SCPEP1: variants seen among roughly 807,000 people sequenced by gnomAD.
SCPEP1 encodes the protein retinoid-inducible serine carboxypeptidase.
In SCPEP1, 51 loss-of-function variants were observed where a neutral mutation model predicts 63.8. The observed-to-expected ratio is 0.80, with a 90% CI of 0.64 to 1.01. SCPEP1 has a LOEUF of 1.01. Ranked by LOEUF, SCPEP1 falls within the 50% of genes least tolerant of loss-of-function variation. The pLI is 0.00. For synonymous variants in SCPEP1, 204 were observed against 207.8 expected (o/e 0.98, Z 0.16); for missense variants, 499 against 554.9 (o/e 0.90, Z 1.01).
chr17:56,985,479 A>G lies in SCPEP1; in HGVS notation c.315+12A>G, dbSNP rs1192279673. ...GGAAAACCACCTGGGTACAGTGAGG[A>G]CAGTCCTGAGCTAAACCTTGCCCCG... On this transcript the variant is annotated intron_variant, in intron 3 of 12. Transcript: ENST00000262288. 4 of 1,605,890 alleles carry G rather than the reference A, an allele frequency of 2.5e-6. No homozygotes were observed. In the Admixed American group the frequency reaches 5.0e-5, roughly 20 times the overall value.
At position 57,000,760 on chromosome 17, in the gene SCPEP1, G is replaced by A; in HGVS notation, c.995-95G>A. 4.9e-6 allele frequency: 7 copies of A among 1,428,802 alleles called. No individual in the cohort carries two copies. In the South Asian group the frequency reaches 8.3e-5, roughly 17 times the overall value. 88.5% of individuals were successfully genotyped at this position (1,428,802 alleles called of 1,614,324 possible). A position where few individuals can be genotyped will look rare whatever the true frequency, so the allele number is the denominator to read the frequency against. ...TGAAGCATCTGTGCATTCAGTCGTTGTTCGGTGCTGGAGCCCAAGATGCTC... is the reference window on the plus strand; with the variant it reads ...TGAAGCATCTGTGCATTCAGTCGTTATTCGGTGCTGGAGCCCAAGATGCTC... On this transcript the variant is annotated intron_variant, in intron 10 of 12. Coordinates refer to ENST00000262288, the MANE Select transcript of SCPEP1 (RefSeq NM_021626.3).
intron 5 of SCPEP1, among the ~76,000 whole-genome samples, chr17:56,988,563 A>G (rs1225117540): frequency 6.6e-6 from 1 of 152,150 alleles, no homozygotes; most frequent in Non-Finnish European, 1.5e-5. Flanking sequence ...TACAGAATCC[A>G]GAAACACACA....
At chr17:56,985,317 C>T in intron 2 of SCPEP1, 61 bp from the exon 3 acceptor site, 2 of 1,233,924 alleles carry the variant, frequency 1.6e-6, no homozygotes, top group South Asian at 2.4e-5. Flanking sequence ...CAAATGTGGT[C>T]ATTCATTGTA....
chr17:56,996,330 G>A (rs531646564), intron 8 of SCPEP1, among the ~76,000 whole-genome samples: 71 of 151,392 alleles, frequency 4.7e-4, no homozygotes, highest in African/African-American at 1.6e-3. Flanking sequence ...TCAGCCTCCC[G>A]AGTAGCTGAG....
At chr17:56,998,352 C>A in intron 9 of SCPEP1, 33 bp from the exon 10 acceptor site, 3 of 1,479,908 alleles carry the variant, frequency 2.0e-6, no homozygotes, top group Admixed American at 1.7e-5. Flanking sequence ...TACTTCCAGC[C>A]CTTTGACTCA....
chr17:56,995,379 T>C (rs1183191345), intron 7 of SCPEP1, 128 bp from the exon 8 acceptor site: 2 of 961,508 alleles, frequency 2.1e-6, no homozygotes, highest in African/African-American at 3.3e-5. Flanking sequence ...CTTGTAACAA[T>C]ACACTTTGAT....
At chr17:56,987,674 G>A (rs367600887) in intron 3 of SCPEP1, 21 bp from the exon 4 acceptor site, 25 of 1,605,450 alleles carry the variant, frequency 1.6e-5, no homozygotes, top group Admixed American at 8.6e-5. Context: ...GCAACATTTC[G>A]TTTTCCTCCG....
rs747506968 is a variant in SCPEP1 at position 56,992,854 on chromosome 17, G to A, written c.619+1683G>A. Among the ~76,000 whole-genome samples the A allele has an allele frequency of 3.9e-5, 6 of 152,134 alleles. 1 individual carries two copies. Among genetic ancestry groups the A allele is most frequent in the South Asian group, 4.1e-4 (2 of 4,824 alleles). Reference sequence around the variant, plus strand: ...TGTCTCTCCAAGATCAGTACGTTTCGCTTCCTGGCTTTGCAAGTGTTATTC... The same window carrying A: ...TGTCTCTCCAAGATCAGTACGTTTCACTTCCTGGCTTTGCAAGTGTTATTC... On this transcript the variant is annotated intron_variant, in intron 6 of 12. Transcript: ENST00000262288.
At position 56,987,826 on chromosome 17, in the gene SCPEP1, C is replaced by G. The variant is rs369407730; in HGVS notation, c.447C>G (p.Phe149Leu). The G allele has an allele frequency of 1.3e-5, 21 of 1,614,130 alleles. No individual in the cohort carries two copies. The South Asian group carries it at 2.2e-4, about 17-fold the overall frequency. Residue 149 changes from phenylalanine to leucine, a missense_variant, in exon 4 of 13, where the codon TTC becomes TTG. Physicochemically the swap from Phe to Leu is conservative, Grantham distance 22 (BLOSUM62 0). Transcript: ENST00000262288. The part of the protein sequence containing the change: ...ASDMMVLLKT[F>L]FSCHKEFQTV... ...ACATGATGGTTCTCCTGAAGACCTTCTTCAGTTGCCACAAAGAATTCCAGG... is the reference window on the plus strand; with the variant it reads ...ACATGATGGTTCTCCTGAAGACCTTGTTCAGTTGCCACAAAGAATTCCAGG...
Position 56,995,642 on chromosome 17 carries a change from A to T in SCPEP1, c.786+7A>T. On this transcript the variant is annotated splice_region_variant and intron_variant, in intron 8 of 12. Coordinates refer to ENST00000262288, the MANE Select transcript of SCPEP1 (RefSeq NM_021626.3). ...AGAAATGATCATTGAACAGGTAAAA[A>T]GGGGAAACACTCAGAGGCGAGCCTG... The T allele has an allele frequency of 6.2e-7, 1 of 1,613,396 alleles. No individual in the cohort carries two copies. The highest frequency in any genetic ancestry group is 2.2e-5 in the East Asian group (1 of 44,872).
At chr17:56,995,405 C>T in intron 7 of SCPEP1, 102 bp from the exon 8 acceptor site, 3 of 1,261,274 alleles carry the variant, frequency 2.4e-6, no homozygotes, top group Non-Finnish European at 3.3e-6. Context: ...AGCTCCCGTT[C>T]TCCTTCCTTC....
At position 56,998,514 on chromosome 17, in the gene SCPEP1, A is replaced by C; in HGVS notation, c.994+16A>C. 6.4e-7 allele frequency: 1 copy of C among 1,566,652 alleles called. No individual in the cohort carries two copies. Among genetic ancestry groups the C allele is most frequent in the Non-Finnish European group, 8.8e-7 (1 of 1,136,902 alleles). ...TCCTGGGGAGGTACTTATATGACCT[A>C]ATTAAGTGCCGTTTGTACAGTTATG... On this transcript the variant is annotated intron_variant, in intron 10 of 12. Coordinates refer to ENST00000262288, the MANE Select transcript of SCPEP1 (RefSeq NM_021626.3).
chr17:56,993,128 C>G (rs1911447843), intron 6 of SCPEP1, among the ~76,000 whole-genome samples: 1 of 152,186 alleles, frequency 6.6e-6, no homozygotes, highest in African/African-American at 2.4e-5. Flanking sequence ...TCAAGAAGGT[C>G]TTGATCTGCA....
intron 5 of SCPEP1, 119 bp from the exon 6 acceptor site, chr17:56,990,980 T>A (rs1372600018): frequency 3.8e-6 from 3 of 794,716 alleles, no homozygotes; most frequent in Non-Finnish European, 4.6e-6. Flanking sequence ...CTACATTGCC[T>A]AGGCTGGTCT....
At chr17:56,996,873 G>A (rs1054263747) in intron 8 of SCPEP1, 89 bp from the exon 9 acceptor site, 5 of 770,508 alleles carry the variant, frequency 6.5e-6, no homozygotes, top group South Asian at 4.2e-5. Context: ...CCTGTCCTTG[G>A]ATAAGATAAA....
At chr17:56,981,768 G>A (rs956193761) in intron 2 of SCPEP1, among the ~76,000 whole-genome samples, 3 of 152,186 alleles carry the variant, frequency 2.0e-5, no homozygotes, top group African/African-American at 7.2e-5. Context: ...GTAGCAGTGA[G>A]CTGAGATCGT....
chr17:56,987,884 G>A lies in SCPEP1; in HGVS notation c.471+34G>A, dbSNP rs767933571. On this transcript the variant is annotated intron_variant, in intron 4 of 12. Transcript: ENST00000262288. ...AGACTCAGGAACAGCTAAGTAAAGGGCTGGCAATATCAACTCTACATCCAT... is the reference window on the plus strand; with the variant it reads ...AGACTCAGGAACAGCTAAGTAAAGGACTGGCAATATCAACTCTACATCCAT... The A allele has an allele frequency of 1.9e-5, 31 of 1,609,898 alleles. 1 individual carries two copies. The highest frequency in any genetic ancestry group is 2.4e-5 in the Non-Finnish European group (28 of 1,177,714).
intron 7 of SCPEP1, 147 bp downstream of exon 7, chr17:56,995,165 C>A: frequency 1.5e-6 from 1 of 655,666 alleles, no homozygotes; most frequent in South Asian, 2.2e-5. Context: ...GAGTTGGAGA[C>A]CCAAAGCAAG....
chr17:57,005,399 G>T (rs945475149), intron 12 of SCPEP1, among the ~76,000 whole-genome samples: 1 of 152,172 alleles, frequency 6.6e-6, no homozygotes, highest in African/African-American at 2.4e-5. Context: ...ATAGCCCTTG[G>T]AGACTGTTGT....
Sources: allele counts gnomAD v4.1 joint callset (sites outside exome capture counted in the v4.1 genomes callset), GRCh38; gene constraint gnomAD v4.1.1; transcripts MANE v1.5; gene names NCBI Gene and HGNC (gene_info 2026-07-23, HGNC 2026-07-21).